The following FKBP15 variants were observed in gnomAD, a reference collection of about 807,000 sequenced individuals.
FKBP15 encodes the protein FKBP prolyl isomerase family member 15.
FKBP15 carries 106 observed loss-of-function variants against 158.1 expected under a neutral mutation model. The observed-to-expected ratio is 0.67, with a 90% CI of 0.57 to 0.79. The LOEUF (loss-of-function observed/expected upper bound fraction) is 0.79, where lower values mean the gene tolerates loss of function less well. Ranked by LOEUF, FKBP15 falls within the 30% of genes least tolerant of loss-of-function variation. The pLI is 0.00. For missense variants in FKBP15, 1,287 were observed against 1,479.1 expected (o/e 0.87, Z 2.13); for synonymous variants, 547 against 548.6 (o/e 1.00, Z 0.04).
In FKBP15 at chr9:113,171,666, T is replaced by A. The variant is rs1025366290; in HGVS notation, c.2573A>T (p.Gln858Leu). ...LQAQITALTK[Q>L]NEQHIKELEK... ...TAGTTCCTTGATGTGCTGTTCATTT[T>A]GCTTGGTGAGAGCTGTGATTTGGGC... is the stretch of plus-strand genomic sequence containing the variant. The change falls in exon 24 of 28, where the codon CAA (glutamine) becomes CTA (leucine). Residue 858 changes from glutamine (Q) to leucine (L), a missense_variant. Gln to Leu is a moderately radical substitution (Grantham distance 113). Coordinates refer to ENST00000238256, the MANE Select transcript of FKBP15 (RefSeq NM_015258.2). The A allele has an allele frequency of 5.6e-6, 9 of 1,602,586 alleles. No individual in the cohort carries two copies. The highest frequency in any genetic ancestry group is 7.7e-6 in the Non-Finnish European group (9 of 1,174,228).
intron 7 of FKBP15, 53 bp downstream of exon 7, chr9:113,199,761 A>G (rs1342925876): frequency 6.5e-7 from 1 of 1,545,394 alleles, no homozygotes; most frequent in Non-Finnish European, 8.8e-7. Context: ...CCCTGGGAAT[A>G]GCCCTCATGC....
intron 18 of FKBP15, among the ~76,000 whole-genome samples, 172 bp from the exon 19 acceptor site, chr9:113,183,040 G>T (rs1830427723): frequency 1.3e-5 from 2 of 152,056 alleles, no homozygotes; most frequent in South Asian, 4.2e-4. Context: ...AAGGAAATCA[G>T]GTTGGAAGCA....
At chr9:113,203,396 G>A (rs1036428468) in intron 4 of FKBP15, among the ~76,000 whole-genome samples, 2 of 152,078 alleles carry the variant, frequency 1.3e-5, no homozygotes, top group African/African-American at 4.8e-5. Context: ...ATGTGCCCAC[G>A]TGACCATCAA....
chr9:113,170,675 G>A (rs757066553), intron 24 of FKBP15, 46 bp from the exon 25 acceptor site: 5 of 1,432,476 alleles, frequency 3.5e-6, no homozygotes, highest in African/African-American at 2.8e-5. Flanking sequence ...AGTCACTAAA[G>A]GATGCATTAA....
rs541295157 is a variant in FKBP15, at chr9:113,168,568, T to C, written c.3486-12A>G. 1.6e-5 allele frequency: 25 copies of C among 1,611,266 alleles called. 1 individual carries two copies. The South Asian group carries it at 2.7e-4, about 18-fold the overall frequency. ...CATCCCCAGAGAGACTGAAGGAAAA[T>C]CAAGTCATAGAAAATGTTATTGTTC... On this transcript the variant is annotated splice_polypyrimidine_tract_variant and intron_variant, in intron 26 of 27. Coordinates refer to ENST00000238256, the MANE Select transcript of FKBP15 (RefSeq NM_015258.2).
chr9:113,209,433 A>C (rs1324254769), intron 2 of FKBP15, among the ~76,000 whole-genome samples: 1 of 152,256 alleles, frequency 6.6e-6, no homozygotes, highest in African/African-American at 2.4e-5. Context: ...ATATAAAAGC[A>C]TAGCCTACTA....
chr9:113,207,923 T>C (rs1038304115), intron 2 of FKBP15, among the ~76,000 whole-genome samples: 11 of 152,234 alleles, frequency 7.2e-5, no homozygotes, highest in African/African-American at 2.7e-4. Flanking sequence ...CCATCTATTT[T>C]ATTTTCTCCT....
intron 19 of FKBP15, among the ~76,000 whole-genome samples, chr9:113,181,367 T>C (rs1277238450): frequency 6.6e-6 from 1 of 152,176 alleles, no homozygotes; most frequent in Non-Finnish European, 1.5e-5. Context: ...AATAAAGTTT[T>C]ATTGGAACAC....
chr9:113,190,399 C>T, intron 12 of FKBP15, 72 bp downstream of exon 12: 4 of 1,269,764 alleles, frequency 3.2e-6, no homozygotes, highest in Non-Finnish European at 4.5e-6. Flanking sequence ...AAAACAATCA[C>T]TCCAACCAAA....
intron 19 of FKBP15, among the ~76,000 whole-genome samples, chr9:113,182,164 T>TGAGAAGAAA (rs375564499): frequency 6.1e-4 from 93 of 152,298 alleles, no homozygotes; most frequent in African/African-American, 2.0e-3. Context: ...TCTAAACCTC[T>TGAGAAGAAA]GAGAAGAAAG....
At chr9:113,213,650 A>C in intron 1 of FKBP15, among the ~76,000 whole-genome samples, 1 of 152,050 alleles carries the variant, frequency 6.6e-6, no homozygotes, top group Non-Finnish European at 1.5e-5. Flanking sequence ...CGTTATAAGA[A>C]GAGGAAGAAA....
At chr9:113,173,651 G>A (rs759436304) in intron 22 of FKBP15, 46 bp from the exon 23 acceptor site, 24 of 1,587,236 alleles carry the variant, frequency 1.5e-5, no homozygotes, top group South Asian at 6.7e-5. Flanking sequence ...GGGTGGGGGA[G>A]TGAGATTCCA....
intron 19 of FKBP15, among the ~76,000 whole-genome samples, chr9:113,181,320 T>C (rs958852423): frequency 7.9e-5 from 12 of 152,186 alleles, no homozygotes; most frequent in African/African-American, 2.9e-4. Context: ...GCTGGCAAAC[T>C]ATGACCTATG....
At position 113,163,018 on chromosome 9, in the gene FKBP15, A is replaced by G; in HGVS notation, c.*3060T>C. On this transcript the variant is annotated 3_prime_UTR_variant, in exon 28 of 28. Coordinates refer to ENST00000238256, the MANE Select transcript of FKBP15 (RefSeq NM_015258.2). ...CCTTTCTTCTGATGGCTATTCCTCCACCTTATTCCCAGCCCCTGGAAACTT... is the reference window on the plus strand; with the variant it reads ...CCTTTCTTCTGATGGCTATTCCTCCGCCTTATTCCCAGCCCCTGGAAACTT... 1 of 1,133,632 alleles carries G rather than the reference A, an allele frequency of 8.8e-7. No homozygotes were observed. Among genetic ancestry groups the G allele is most frequent in the Non-Finnish European group, 1.2e-6 (1 of 836,736 alleles). 70.2% of individuals were successfully genotyped at this position (1,133,632 alleles called of 1,614,324 possible).
intron 5 of FKBP15, 108 bp downstream of exon 5, chr9:113,202,853 A>C (rs1830819258): frequency 1.1e-6 from 1 of 943,120 alleles, no homozygotes; most frequent in Non-Finnish European, 1.6e-6. Flanking sequence ...TCACAAGGAC[A>C]CCCAGGGCTG....
intron 11 of FKBP15, 136 bp downstream of exon 11, chr9:113,193,356 G>T: frequency 1.9e-6 from 1 of 515,106 alleles, no homozygotes; most frequent in Non-Finnish European, 3.3e-6. Flanking sequence ...TTTTTTTAAA[G>T]GAGAGACGAG....
intron 14 of FKBP15, 170 bp from the exon 15 acceptor site, chr9:113,186,533 G>T: frequency 1.7e-6 from 1 of 594,282 alleles, no homozygotes. Context: ...TGCAGCAGGA[G>T]AGTTATCTAT....
Position 113,194,184 on chromosome 9 carries a change from C to T in FKBP15, c.865-15G>A, listed in dbSNP as rs1403661391. 7 of 1,580,552 alleles carry T rather than the reference C, an allele frequency of 4.4e-6. No homozygotes were observed. Among genetic ancestry groups the T allele is most frequent in the South Asian group, 1.1e-5 (1 of 88,328 alleles). On this transcript the variant is annotated splice_polypyrimidine_tract_variant and intron_variant, in intron 9 of 27. Coordinates refer to ENST00000238256, the MANE Select transcript of FKBP15 (RefSeq NM_015258.2). The stretch of plus-strand genomic sequence containing the variant: ...GCAAACTTCACCTAAGGAAACACCG[C>T]ATATTCTCACTCATAGGTGGGAATT...
Position 113,162,947 on chromosome 9 carries a change from G to A in FKBP15, c.*3131C>T. 1 of 1,546,136 alleles carries A rather than the reference G, an allele frequency of 6.5e-7. No individual in the cohort carries two copies. On this transcript the variant is annotated 3_prime_UTR_variant, in exon 28 of 28. Transcript: ENST00000238256. ...TGAGGAACGTGCAGGCACTGAGGCT[G>A]GAGGGACATGGAGCCCCCTCTTCCA... is the stretch of plus-strand genomic sequence containing the variant.
Sources: gnomAD v4.1 joint callset for allele counts (sites outside exome capture counted in the v4.1 genomes callset) on GRCh38, gnomAD v4.1.1 for gene constraint, MANE v1.5 for transcripts, NCBI Gene and HGNC (gene_info 2026-07-23, HGNC 2026-07-21) for gene names.